Variants in GALNT13 observed in about 807,000 individuals in gnomAD.
GALNT13 encodes the protein UDP-GalNAc:polypeptide N-acetylgalactosaminyltransferase 13.
A neutral mutation model predicts 64.2 loss-of-function variants in GALNT13; 28 were observed. That is an observed-to-expected ratio of 0.44 (90% CI 0.32 to 0.60). GALNT13 has a LOEUF of 0.60. Among genes scored for constraint, GALNT13 ranks in the 20% least tolerant of loss-of-function variants. The probability of loss-of-function intolerance (pLI) is 0.05; values close to 1 mark genes in which losing one functional copy is unlikely to be tolerated. For missense variants in GALNT13, 577 were observed against 669.8 expected (o/e 0.86, Z 1.53); for synonymous variants, 214 against 224.6 (o/e 0.95, Z 0.42).
At chr2:154,390,523 T>C (rs1453418326) in intron 9 of GALNT13, among the ~76,000 whole-genome samples, 1 of 152,164 alleles carries the variant, frequency 6.6e-6, no homozygotes, top group Non-Finnish European at 1.5e-5. Context: ...GATAATGGCT[T>C]CCAGCTCCAT....
chr2:154,120,991 A>G (rs2105516504), intron 3 of GALNT13, among the ~76,000 whole-genome samples: 1 of 152,200 alleles, frequency 6.6e-6, no homozygotes. Flanking sequence ...TCCTGGAAAG[A>G]ATGTTGGAAT....
chr2:153,836,077 A>G, the GALNT13 span, among the ~76,000 whole-genome samples: 1 of 152,016 alleles, frequency 6.6e-6, no homozygotes, highest in South Asian at 2.1e-4. Flanking sequence ...TAGACTTTCA[A>G]TCCCAAATTG....
intron 3 of GALNT13, among the ~76,000 whole-genome samples, chr2:153,981,287 T>C (rs1237901363): frequency 1.3e-5 from 2 of 152,152 alleles, no homozygotes; most frequent in Non-Finnish European, 2.9e-5. Flanking sequence ...TACATATGTA[T>C]ACATGTGCCA....
At chr2:154,239,740 A>G (rs1158065480) in intron 4 of GALNT13, among the ~76,000 whole-genome samples, 5 of 152,194 alleles carry the variant, frequency 3.3e-5, no homozygotes, top group Non-Finnish European at 5.9e-5. Flanking sequence ...ATCTTTTTCA[A>G]ATAAATGTAT....
the GALNT13 span, among the ~76,000 whole-genome samples, chr2:153,858,489 T>C: frequency 1.3e-5 from 2 of 152,168 alleles, no homozygotes; most frequent in Non-Finnish European, 2.9e-5. Context: ...CAGTTGCACA[T>C]GCTTTCAGTT....
chr2:153,874,609 T>C (rs1686228520), intron 1 of GALNT13, among the ~76,000 whole-genome samples: 1 of 151,948 alleles, frequency 6.6e-6, no homozygotes, highest in Non-Finnish European at 1.5e-5. Flanking sequence ...TAATAAAACT[T>C]GTTGGTTGAT....
At position 154,117,591 on chromosome 2, in the gene GALNT13, G is replaced by A. The variant is rs532754688; in HGVS notation, c.143-22746G>A. On this transcript the variant is annotated intron_variant, in intron 3 of 12. Coordinates refer to ENST00000392825, the MANE Select transcript of GALNT13 (RefSeq NM_052917.4). ...TTTCATTTAGGTTGCTGCAAATGCC[G>A]TTAATTTGTTCCTTTTTATGACTGA... Among the ~76,000 whole-genome samples the A allele has an allele frequency of 2.1e-3, 317 of 152,262 alleles. 1 individual carries two copies. Among genetic ancestry groups the A allele is most frequent in the African/African-American group, 7.3e-3 (304 of 41,566 alleles).
the GALNT13 span, among the ~76,000 whole-genome samples, chr2:153,252,899 A>G: frequency 2.6e-5 from 4 of 152,290 alleles, no homozygotes; most frequent in South Asian, 2.1e-4. Context: ...GAAGTCAGGT[A>G]GCGTGATGCC....
chr2:154,210,110 G>A (rs924841475), intron 4 of GALNT13, among the ~76,000 whole-genome samples: 1 of 152,262 alleles, frequency 6.6e-6, no homozygotes, highest in African/African-American at 2.4e-5. Context: ...TCTGTGGCTT[G>A]CTAATTTCAC....
intron 4 of GALNT13, among the ~76,000 whole-genome samples, chr2:154,222,124 T>C (rs903928009): frequency 3.3e-4 from 50 of 152,148 alleles, no homozygotes; most frequent in African/African-American, 9.6e-4. Context: ...GTTCCATTTC[T>C]GCCTGCTCTT....
chr2:154,361,578 T>G (rs897843232), intron 9 of GALNT13, among the ~76,000 whole-genome samples: 1 of 152,070 alleles, frequency 6.6e-6, no homozygotes, highest in East Asian at 1.9e-4. Flanking sequence ...CCCTCTTATA[T>G]AAAACTAAAA....
chr2:153,713,625 G>A, the GALNT13 span, among the ~76,000 whole-genome samples: 1 of 152,160 alleles, frequency 6.6e-6, no homozygotes, highest in African/African-American at 2.4e-5. Context: ...TGAGACTACA[G>A]GTGTACGCCA....
At chr2:153,249,229 A>G in the GALNT13 span, among the ~76,000 whole-genome samples, 9 of 152,228 alleles carry the variant, frequency 5.9e-5, no homozygotes, top group African/African-American at 2.2e-4. Context: ...ATTCCTATAC[A>G]CCAATAATAG....
chr2:154,336,070 C>T (rs1695428198), intron 9 of GALNT13, among the ~76,000 whole-genome samples: 1 of 152,006 alleles, frequency 6.6e-6, no homozygotes, highest in South Asian at 2.1e-4. Context: ...TACCAAAAGA[C>T]TGAATCCACG....
chr2:153,786,011 G>A, the GALNT13 span, among the ~76,000 whole-genome samples: 1 of 151,746 alleles, frequency 6.6e-6, no homozygotes, highest in Non-Finnish European at 1.5e-5. Flanking sequence ...TGCCAGCAGT[G>A]CGGATGCTCC....
the GALNT13 span, among the ~76,000 whole-genome samples, chr2:153,147,742 G>A: frequency 6.6e-6 from 1 of 151,878 alleles, no homozygotes; most frequent in East Asian, 1.9e-4. Context: ...GATTGCCCTT[G>A]TTTGGTTGAA....
chr2:153,357,630 A>T, the GALNT13 span, among the ~76,000 whole-genome samples: 1 of 152,196 alleles, frequency 6.6e-6, no homozygotes, highest in Non-Finnish European at 1.5e-5. Context: ...AGATACCTCT[A>T]TATAAATATT....
intron 1 of GALNT13, among the ~76,000 whole-genome samples, chr2:153,877,571 G>C (rs191197534): frequency 6.6e-6 from 1 of 152,210 alleles, no homozygotes; most frequent in Admixed American, 6.5e-5. Flanking sequence ...TGTTAATAAA[G>C]TGGATTTTGA....
At chr2:153,534,851 C>T in the GALNT13 span, among the ~76,000 whole-genome samples, 1 of 152,098 alleles carries the variant, frequency 6.6e-6, no homozygotes, top group South Asian at 2.1e-4. Flanking sequence ...AGGGCATATG[C>T]ACTTCTTTTG....
Sources: gnomAD v4.1 joint callset for allele counts (sites outside exome capture counted in the v4.1 genomes callset) on GRCh38, gnomAD v4.1.1 for gene constraint, MANE v1.5 for transcripts, NCBI Gene and HGNC (gene_info 2026-07-23, HGNC 2026-07-21) for gene names.